NEK4: variants seen among roughly 807,000 people sequenced by gnomAD.
The protein encoded by NEK4 is serine/threonine-protein kinase Nek4.
Under a neutral mutation model 98.4 loss-of-function variants are expected in NEK4, and 86 were observed. The observed-to-expected ratio is 0.87, with a 90% CI of 0.73 to 1.05. The LOEUF is 1.05. NEK4 is among the 50% of genes least tolerant of loss of function. The probability of loss-of-function intolerance (pLI) is 0.00; values close to 1 mark genes in which losing one functional copy is unlikely to be tolerated. For missense variants in NEK4, 898 were observed against 950.3 expected, an observed-to-expected ratio of 0.94 and a Z score of 0.72; for synonymous variants, 328 against 342.2, an observed-to-expected ratio of 0.96 and a Z score of 0.46.
chr3:52,753,739 C>T, intron 6 of NEK4: 1 of 561,366 alleles, frequency 1.8e-6, no homozygotes, highest in Non-Finnish European at 3.6e-6. Flanking sequence ...ACAGACTCGT[C>T]CACCTGAAAT....
chr3:52,766,695 T>C (rs1698570553), intron 2 of NEK4, among the ~76,000 whole-genome samples: 5 of 152,220 alleles, frequency 3.3e-5, no homozygotes. Flanking sequence ...AGTTTAAAAA[T>C]ATGTTTACAA....
chr3:52,725,340 T>C (rs1364187793), intron 15 of NEK4, among the ~76,000 whole-genome samples: 1 of 151,532 alleles, frequency 6.6e-6, no homozygotes, highest in African/African-American at 2.4e-5. Flanking sequence ...TGAAACCCCG[T>C]CTCTACTAAA....
In NEK4 at chr3:52,752,203, T is replaced by A; in HGVS notation, c.1097A>T (p.Asn366Ile). 1 of 1,614,216 alleles carries A rather than the reference T, an allele frequency of 6.2e-7. No individual in the cohort carries two copies. Among genetic ancestry groups the A allele is most frequent in the South Asian group, 1.1e-5 (1 of 91,084 alleles). ...TTELATISSV[N>I]IDILPAKGRD... ...CCCTTTTGCAGGTAAGATGTCAATATTTACGCTACTGATTGTGGCTAGTTC... is the reference window on the plus strand; with the variant it reads ...CCCTTTTGCAGGTAAGATGTCAATAATTACGCTACTGATTGTGGCTAGTTC... Residue 366 changes from asparagine (N) to isoleucine (I), a missense_variant, in exon 7 of 16, where the codon AAT (asparagine) becomes ATT (isoleucine). Transcript: ENST00000233027.
intron 15 of NEK4, among the ~76,000 whole-genome samples, chr3:52,735,302 T>C (rs1330196026): frequency 6.6e-6 from 1 of 152,236 alleles, no homozygotes; most frequent in Non-Finnish European, 1.5e-5. Flanking sequence ...CGAAATTTAT[T>C]TTGGTGTTAA....
Position 52,752,955 on chromosome 3 carries a change from A to ACACACACACACACACACACACACACAC in NEK4, c.964-620_964-619insGTGTGTGTGTGTGTGTGTGTGTGTGTG, listed in dbSNP as rs1559441493. On this transcript the variant is annotated intron_variant, in intron 6 of 15. Coordinates refer to ENST00000233027, the MANE Select transcript of NEK4 (RefSeq NM_003157.6). ...ATATACACACACACACACACACACAATGGAATATTTCTAATCTATAAAAAG... is the reference window on the plus strand; with the variant it reads ...ATATACACACACACACACACACACAACACACACACACACACACACACACACACTGGAATATTTCTAATCTATAAAAAG... Among the ~76,000 whole-genome samples the ACACACACACACACACACACACACACAC allele has an allele frequency of 1.2e-4, 15 of 125,986 alleles. 1 individual carries two copies. Among genetic ancestry groups the ACACACACACACACACACACACACACAC allele is most frequent in the African/African-American group, 5.1e-4 (15 of 29,400 alleles). 82.7% of individuals were successfully genotyped at this position (125,986 alleles called of 152,430 possible). A position where few individuals can be genotyped will look rare whatever the true frequency, so the allele number is the denominator to read the frequency against.
In NEK4 at chr3:52,768,736, G is replaced by A. The variant is rs571547244; in HGVS notation, c.94-132C>T. On this transcript the variant is annotated intron_variant, in intron 1 of 15. Transcript: ENST00000233027. ...GCCTGTCAGATAACCTATTCATTTTGTTTTTCACCAAGCACAAAATCGGGG... is the reference window on the plus strand; with the variant it reads ...GCCTGTCAGATAACCTATTCATTTTATTTTTCACCAAGCACAAAATCGGGG... The A allele has an allele frequency of 1.3e-4, 96 of 761,804 alleles. 1 individual carries two copies. Among genetic ancestry groups the A allele is most frequent in the Non-Finnish European group, 1.9e-4 (89 of 474,562 alleles). The allele number at this position is 761,804 out of a possible 1,614,324, so 47.2% of individuals were successfully genotyped here.
chr3:52,758,487 G>A (rs1698219605), intron 6 of NEK4, among the ~76,000 whole-genome samples: 2 of 152,002 alleles, frequency 1.3e-5, no homozygotes, highest in African/African-American at 4.8e-5. Context: ...CTATAAAACT[G>A]TTAGAAGAAA....
chr3:52,737,657 G>A lies in NEK4; in HGVS notation c.2362C>T (p.Arg788Cys), dbSNP rs766251863. 1.4e-5 allele frequency: 22 copies of A among 1,613,630 alleles called. 1 individual carries two copies. The highest frequency in any genetic ancestry group is 7.7e-5 in the South Asian group (7 of 91,074). Residue 788 changes from arginine (R) to cysteine (C), a missense_variant, in exon 15 of 16, where the codon CGT becomes TGT. Arg to Cys is a radical substitution (Grantham distance 180). Transcript: ENST00000233027. ...TCTAAAAGCTGAACTCCCAGGCCAC[G>A]AATTACATCAGTTCTCAAGACTTCA... ...LVEVLRTDVI[R>C]GLGVQLLEQV...
intron 8 of NEK4, among the ~76,000 whole-genome samples, chr3:52,748,934 A>C (rs771119681): frequency 6.6e-6 from 1 of 152,062 alleles, no homozygotes; most frequent in Non-Finnish European, 1.5e-5. Flanking sequence ...AAAAATAGAA[A>C]AAATTAGCCA....
At chr3:52,766,082 A>T (rs903841228) in intron 3 of NEK4, 88 bp from the exon 4 acceptor site, 6 of 1,449,794 alleles carry the variant, frequency 4.1e-6, no homozygotes, top group African/African-American at 1.4e-5. Context: ...TTTTCCTTAA[A>T]CCAATTCATA....
intron 15 of NEK4, among the ~76,000 whole-genome samples, chr3:52,713,361 T>G (rs1296324313): frequency 6.6e-6 from 1 of 152,240 alleles, no homozygotes; most frequent in Non-Finnish European, 1.5e-5. Flanking sequence ...CTCATCCTTA[T>G]GAGCAGCCTG....
At chr3:52,765,135 G>A (rs1698505298) in intron 4 of NEK4, among the ~76,000 whole-genome samples, 1 of 152,098 alleles carries the variant, frequency 6.6e-6, no homozygotes, top group Admixed American at 6.5e-5. Flanking sequence ...CGGATCACCT[G>A]AGGTAAGGAG....
intron 15 of NEK4, among the ~76,000 whole-genome samples, chr3:52,730,609 G>A (rs919152124): frequency 2.0e-5 from 3 of 152,088 alleles, no homozygotes; most frequent in South Asian, 2.1e-4. Context: ...ATTTTTTCAC[G>A]TAGTGTCCTT....
At chr3:52,748,357 C>G (rs2097399928) in intron 8 of NEK4, among the ~76,000 whole-genome samples, 2 of 152,062 alleles carry the variant, frequency 1.3e-5, no homozygotes, top group Non-Finnish European at 2.9e-5. Context: ...AGACAAAATG[C>G]CGACATCAGT....
chr3:52,752,998 A>G (rs1194632225), intron 6 of NEK4, among the ~76,000 whole-genome samples: 1 of 150,212 alleles, frequency 6.7e-6, no homozygotes, highest in Non-Finnish European at 1.5e-5. Flanking sequence ...GTTCTGATAC[A>G]TGCTAAAACA....
At chr3:52,757,872 G>A (rs1189743416) in intron 6 of NEK4, among the ~76,000 whole-genome samples, 1 of 152,098 alleles carries the variant, frequency 6.6e-6, no homozygotes, top group Non-Finnish European at 1.5e-5. Context: ...TCAAAACCAT[G>A]GAGACAGAAA....
At chr3:52,751,733 A>C (rs2097405395) in intron 7 of NEK4, among the ~76,000 whole-genome samples, 199 bp downstream of exon 7, 1 of 152,190 alleles carries the variant, frequency 6.6e-6, no homozygotes, top group Non-Finnish European at 1.5e-5. Context: ...TGTTGCCACG[A>C]GTTGTGGGCA....
chr3:52,750,502 G>A (rs1263015141), intron 7 of NEK4, among the ~76,000 whole-genome samples: 1 of 152,148 alleles, frequency 6.6e-6, no homozygotes, highest in African/African-American at 2.4e-5. Context: ...AGCTGAGATC[G>A]TGCCACTGTA....
intron 4 of NEK4, among the ~76,000 whole-genome samples, chr3:52,764,314 C>T (rs553585854): frequency 4.0e-5 from 6 of 148,668 alleles, no homozygotes; most frequent in Non-Finnish European, 7.4e-5. Context: ...AGAAAAGAAA[C>T]GAAACTAGGC....
Sources: gnomAD v4.1 joint callset for allele counts (sites outside exome capture counted in the v4.1 genomes callset) on GRCh38, gnomAD v4.1.1 for gene constraint, MANE v1.5 for transcripts, NCBI Gene and HGNC (gene_info 2026-07-23, HGNC 2026-07-21) for gene names.